CSGALNACT1: variants seen among roughly 807,000 people sequenced by gnomAD.
The protein encoded by CSGALNACT1 is chondroitin sulfate N-acetylgalactosaminyltransferase 1.
CSGALNACT1 carries 52 observed loss-of-function variants against 51.0 expected under a neutral mutation model. The ratio of observed to expected loss-of-function variants is 1.02; its 90% CI spans 0.82 to 1.29. CSGALNACT1 has a LOEUF of 1.29. Among genes scored for constraint, CSGALNACT1 ranks in the 50% most tolerant of loss-of-function variants. The pLI is 0.00. For synonymous variants in CSGALNACT1, 341 were observed against 254.4 expected (o/e 1.34, Z -3.24); for missense variants, 935 against 679.2 (o/e 1.38, Z -4.19).
intron 1 of CSGALNACT1, among the ~76,000 whole-genome samples, chr8:19,640,588 A>C (rs2056625295): frequency 6.6e-6 from 1 of 152,224 alleles, no homozygotes; most frequent in Admixed American, 6.5e-5. Flanking sequence ...GAAAATAACA[A>C]CATTAATTCT....
chr8:19,490,442 C>T (rs2074109719), intron 4 of CSGALNACT1, among the ~76,000 whole-genome samples: 1 of 152,196 alleles, frequency 6.6e-6, no homozygotes, highest in Non-Finnish European at 1.5e-5. Flanking sequence ...TCCTATTCAT[C>T]TCCTGGGAGT....
chr8:19,742,545 C>T (rs1176276067), intron 1 of CSGALNACT1, among the ~76,000 whole-genome samples: 1 of 152,186 alleles, frequency 6.6e-6, no homozygotes, highest in African/African-American at 2.4e-5. Context: ...CCAATGCATC[C>T]CCCACGACAG....
chr8:19,514,482 T>TATATATATATATATATAC (rs1281842763), intron 3 of CSGALNACT1, among the ~76,000 whole-genome samples: 7 of 78,114 alleles, frequency 9.0e-5, no homozygotes, highest in African/African-American at 3.8e-4. Context: ...AGACTATATA[T>TATATATATATATATATAC]ATATATATAT....
chr8:19,486,333 T>G (rs2072928430), intron 4 of CSGALNACT1, among the ~76,000 whole-genome samples: 1 of 152,116 alleles, frequency 6.6e-6, no homozygotes, highest in South Asian at 2.1e-4. Flanking sequence ...TCTCTGAGCT[T>G]CTGCCCTACC....
intron 1 of CSGALNACT1, among the ~76,000 whole-genome samples, chr8:19,623,826 G>A (rs1589105458): frequency 6.6e-6 from 1 of 152,350 alleles, no homozygotes; most frequent in Non-Finnish European, 1.5e-5. Context: ...TCTATTCACT[G>A]AAAGTGGGGA....
At chr8:19,629,136 C>T (rs1267990302) in intron 1 of CSGALNACT1, among the ~76,000 whole-genome samples, 3 of 152,160 alleles carry the variant, frequency 2.0e-5, no homozygotes, top group Non-Finnish European at 4.4e-5. Context: ...TTGCCACCTT[C>T]TGTAAAGACT....
chr8:19,442,716 T>A (rs546819432), intron 5 of CSGALNACT1, among the ~76,000 whole-genome samples: 54 of 143,186 alleles, frequency 3.8e-4, no homozygotes, highest in Admixed American at 4.1e-4. Flanking sequence ...ACTTAAAGTA[T>A]AAAAAAAAAA....
intron 1 of CSGALNACT1, among the ~76,000 whole-genome samples, chr8:19,752,418 G>T (rs2065099507): frequency 6.6e-6 from 1 of 152,078 alleles, no homozygotes. Flanking sequence ...TCCTAGCACA[G>T]CCCTGTGTAC....
chr8:19,461,550 GGGGGCGTATCCGCAC>G (rs2065379742), intron 4 of CSGALNACT1, among the ~76,000 whole-genome samples: 13 of 150,296 alleles, frequency 8.6e-5, no homozygotes, highest in African/African-American at 2.9e-4. Context: ...ATTCACCATG[GGGGGCGTATCCGCAC>G]AGCGGCCACA....
intron 3 of CSGALNACT1, among the ~76,000 whole-genome samples, chr8:19,581,334 A>G (rs2045521826): frequency 6.6e-6 from 1 of 152,206 alleles, no homozygotes; most frequent in Admixed American, 6.5e-5. Flanking sequence ...CAATTATGCT[A>G]TTTTGATATC....
At chr8:19,649,934 A>G (rs1314531461) in intron 1 of CSGALNACT1, among the ~76,000 whole-genome samples, 2 of 151,762 alleles carry the variant, frequency 1.3e-5, no homozygotes, top group Non-Finnish European at 2.9e-5. Context: ...TACATTCACC[A>G]TAACATATGA....
chr8:19,499,954 G>A (rs2076135704), intron 4 of CSGALNACT1, among the ~76,000 whole-genome samples: 1 of 152,060 alleles, frequency 6.6e-6, no homozygotes, highest in African/African-American at 2.4e-5. Context: ...CCACAAGGAG[G>A]GATTCATTCT....
intron 1 of CSGALNACT1, among the ~76,000 whole-genome samples, chr8:19,613,774 GT>G (rs2052625382): frequency 6.6e-6 from 1 of 152,168 alleles, no homozygotes; most frequent in Admixed American, 6.5e-5. Context: ...AACTTGCAAT[GT>G]CACCAGCAAA....
chr8:19,616,824 T>C (rs2053090118), intron 1 of CSGALNACT1, among the ~76,000 whole-genome samples: 1 of 152,142 alleles, frequency 6.6e-6, no homozygotes, highest in African/African-American at 2.4e-5. Context: ...AGCAGAACTG[T>C]GAGCCAATTA....
chr8:19,554,445 G>C (rs1220278985), intron 3 of CSGALNACT1, among the ~76,000 whole-genome samples: 1 of 108,404 alleles, frequency 9.2e-6, no homozygotes, highest in East Asian at 2.4e-4. Flanking sequence ...GGGACCAAGT[G>C]ATGCCACCTC....
At chr8:19,726,516 T>G (rs1358586835) in intron 1 of CSGALNACT1, among the ~76,000 whole-genome samples, 2 of 152,226 alleles carry the variant, frequency 1.3e-5, no homozygotes, top group Non-Finnish European at 2.9e-5. Context: ...TACATGAATA[T>G]ATTGTAAAAT....
chr8:19,505,453 C>G (rs925794349), exon 4 of CSGALNACT1: 13 of 1,614,104 alleles, frequency 8.1e-6, no homozygotes, highest in South Asian at 3.3e-5. Flanking sequence ...GCCTTGTCCA[C>G]CTGCGAGTGC....
At chr8:19,549,905 G>C (rs934591777) in intron 3 of CSGALNACT1, among the ~76,000 whole-genome samples, 5 of 152,032 alleles carry the variant, frequency 3.3e-5, no homozygotes, top group Non-Finnish European at 5.9e-5. Flanking sequence ...TCAGATGCTG[G>C]AATGTTTGCT....
intron 1 of CSGALNACT1, among the ~76,000 whole-genome samples, chr8:19,712,420 T>C (rs2062565620): frequency 2.6e-5 from 4 of 152,158 alleles, no homozygotes; most frequent in Admixed American, 2.0e-4. Context: ...AGATTTTAGC[T>C]GTCTGTAGTA....
Sources: gnomAD v4.1 joint callset for allele counts (sites outside exome capture counted in the v4.1 genomes callset) on GRCh38, gnomAD v4.1.1 for gene constraint, MANE v1.5 for transcripts, NCBI Gene and HGNC (gene_info 2026-07-23, HGNC 2026-07-21) for gene names.